PHF21B: variants seen among roughly 807,000 people sequenced by gnomAD.
The protein encoded by PHF21B is PHD finger protein 21B.
Under a neutral mutation model 62.2 loss-of-function variants are expected in PHF21B, and 22 were observed. That is an observed-to-expected ratio of 0.35 (90% CI 0.25 to 0.51). The LOEUF (loss-of-function observed/expected upper bound fraction) is 0.51. Among genes scored for constraint, PHF21B ranks in the 20% least tolerant of loss-of-function variants. PHF21B has a pLI of 0.97. For missense variants in PHF21B, 701 were observed against 707.9 expected (o/e 0.99, Z 0.11); for synonymous variants, 341 against 314.7 (o/e 1.08, Z -0.88).
At chr22:44,969,755 T>A (rs2072601404) in intron 2 of PHF21B, among the ~76,000 whole-genome samples, 1 of 152,210 alleles carries the variant, frequency 6.6e-6, no homozygotes, top group Admixed American at 6.5e-5. Flanking sequence ...TGGCTCAGCA[T>A]ATGACATGCA....
intron 2 of PHF21B, among the ~76,000 whole-genome samples, chr22:44,932,214 G>C (rs758064449): frequency 6.6e-6 from 1 of 152,226 alleles, no homozygotes; most frequent in Non-Finnish European, 1.5e-5. Flanking sequence ...TGGGCTTGCT[G>C]TAAGGGCTGC....
chr22:44,913,733 C>A, intron 5 of PHF21B, 89 bp downstream of exon 5: 1 of 1,475,002 alleles, frequency 6.8e-7, no homozygotes, highest in Non-Finnish European at 9.0e-7. Context: ...GACCACCCCA[C>A]AGTGAGGCCA....
intron 5 of PHF21B, chr22:44,901,860 G>C: frequency 3.8e-6 from 1 of 263,422 alleles, no homozygotes; most frequent in East Asian, 8.0e-5. Flanking sequence ...GTTACAAACA[G>C]TTGGTGGTGA....
At chr22:44,904,949 C>T (rs1170607903) in intron 5 of PHF21B, among the ~76,000 whole-genome samples, 1 of 152,202 alleles carries the variant, frequency 6.6e-6, no homozygotes, top group Non-Finnish European at 1.5e-5. Context: ...GCCCCCGGCA[C>T]ATCTGTCATT....
chr22:44,991,431 A>C (rs1438400685), intron 2 of PHF21B, among the ~76,000 whole-genome samples: 1 of 152,144 alleles, frequency 6.6e-6, no homozygotes, highest in Admixed American at 6.5e-5. Flanking sequence ...CAAACCACCA[A>C]GACGACAGGC....
intron 2 of PHF21B, among the ~76,000 whole-genome samples, chr22:44,942,715 C>A (rs6007395): frequency 0.54 from 82,480 of 152,028 alleles, 24,005 homozygotes; most frequent in Non-Finnish European, 0.66. Flanking sequence ...GCCCAGCGCA[C>A]GAGCTGTCGG....
chr22:44,975,135 T>C (rs1415391979), intron 2 of PHF21B, among the ~76,000 whole-genome samples: 2 of 152,260 alleles, frequency 1.3e-5, no homozygotes, highest in East Asian at 3.9e-4. Flanking sequence ...GCAGAGAATC[T>C]TCCTGAAGCC....
In PHF21B at chr22:44,990,326, G is replaced by A. The variant is rs77667382; in HGVS notation, c.120+18219C>T. 5.8e-3 allele frequency among the ~76,000 whole-genome samples: 889 copies of A among 152,330 alleles called. 2 individuals carry two copies. The highest frequency in any genetic ancestry group is 9.4e-3 in the Non-Finnish European group (641 of 68,028). ...TCCACTTCTGCATAGATACCCAAATGAATGGAAGGCAGGGACTCAAACATA... is the reference window on the plus strand; with the variant it reads ...TCCACTTCTGCATAGATACCCAAATAAATGGAAGGCAGGGACTCAAACATA... On this transcript the variant is annotated intron_variant, in intron 2 of 12. Transcript: ENST00000313237.
At chr22:44,906,969 G>A (rs1020314485) in intron 5 of PHF21B, among the ~76,000 whole-genome samples, 4 of 152,144 alleles carry the variant, frequency 2.6e-5, no homozygotes, top group African/African-American at 9.7e-5. Context: ...CCACCGCCCT[G>A]CAGTGGACAC....
At chr22:44,927,602 C>A (rs1423662386) in intron 2 of PHF21B, among the ~76,000 whole-genome samples, 2 of 152,204 alleles carry the variant, frequency 1.3e-5, no homozygotes, top group Non-Finnish European at 2.9e-5. Context: ...ACCGTCCATT[C>A]TCCGCCAATG....
chr22:44,887,841 T>C, intron 10 of PHF21B, 122 bp downstream of exon 10: 1 of 1,055,300 alleles, frequency 9.5e-7, no homozygotes, highest in South Asian at 3.1e-5. Context: ...TCAATTGTGC[T>C]GAGGTTGAAA....
In PHF21B at chr22:44,882,705, C is replaced by T. The variant is rs996052595; in HGVS notation, c.*381G>A. ...CAATAGGCGGTGCCCTCAGTGGAGA[C>T]TGCGTTCTGGGGGGCGTGCTTGTCC... On this transcript the variant is annotated 3_prime_UTR_variant, in exon 13 of 13. Coordinates refer to ENST00000313237, the MANE Select transcript of PHF21B (RefSeq NM_138415.5). 4.7e-6 allele frequency: 1 copy of T among 210,616 alleles called. No homozygotes were observed. The highest frequency in any genetic ancestry group is 9.4e-6 in the Non-Finnish European group (1 of 106,022). The allele number at this position is 210,616 out of a possible 1,614,324, so 13.0% of individuals were successfully genotyped here.
At chr22:44,986,711 C>T (rs2072956141) in intron 2 of PHF21B, among the ~76,000 whole-genome samples, 1 of 152,134 alleles carries the variant, frequency 6.6e-6, no homozygotes, top group Admixed American at 6.5e-5. Flanking sequence ...TTTTATTCCT[C>T]AAGTTACCGG....
intron 2 of PHF21B, among the ~76,000 whole-genome samples, chr22:45,004,108 A>G (rs1288476388): frequency 6.6e-6 from 1 of 152,280 alleles, no homozygotes; most frequent in East Asian, 1.9e-4. Context: ...GGGAAGTGAC[A>G]GCCAAGGGGT....
intron 2 of PHF21B, among the ~76,000 whole-genome samples, chr22:44,961,845 A>T (rs1023612006): frequency 6.9e-6 from 1 of 144,244 alleles, no homozygotes; most frequent in Non-Finnish European, 1.5e-5. Context: ...ACTCTGTCTC[A>T]AAATAAATAA....
chr22:44,990,980 T>C (rs1039156651), intron 2 of PHF21B, among the ~76,000 whole-genome samples: 4 of 152,186 alleles, frequency 2.6e-5, no homozygotes, highest in Non-Finnish European at 5.9e-5. Flanking sequence ...CAGCGGGCCC[T>C]GCTGCCGCGG....
intron 2 of PHF21B, among the ~76,000 whole-genome samples, chr22:44,946,712 T>A (rs1383757745): frequency 6.6e-6 from 1 of 152,062 alleles, no homozygotes; most frequent in Non-Finnish European, 1.5e-5. Flanking sequence ...TCATGTTCCA[T>A]CTCAGGGGGA....
At position 44,920,504 on chromosome 22, in the gene PHF21B, G is replaced by A. The variant is rs368652963; in HGVS notation, c.121-14C>T. 20 of 1,598,238 alleles carry A rather than the reference G, an allele frequency of 1.3e-5. No individual in the cohort carries two copies. Among genetic ancestry groups the A allele is most frequent in the Non-Finnish European group, 1.6e-5 (19 of 1,169,786 alleles). ...CGTTCCCAAAGCCTGAAACATACAG[G>A]AGGGCAACGCTGAGACAGGAGGAGC... On this transcript the variant is annotated splice_polypyrimidine_tract_variant and intron_variant, in intron 2 of 12. Transcript: ENST00000313237.
At chr22:44,916,745 G>A (rs2071442795) in intron 3 of PHF21B, 115 bp from the exon 4 acceptor site, 2 of 953,016 alleles carry the variant, frequency 2.1e-6, no homozygotes, top group Admixed American at 4.4e-5. Flanking sequence ...GCACTGGAAA[G>A]AGCACAGCGC....
Sources: gnomAD v4.1 joint callset for allele counts (sites outside exome capture counted in the v4.1 genomes callset) on GRCh38, gnomAD v4.1.1 for gene constraint, MANE v1.5 for transcripts, NCBI Gene and HGNC (gene_info 2026-07-23, HGNC 2026-07-21) for gene names.